Variants in TAFA1 observed in about 807,000 individuals in gnomAD.
TAFA1 encodes the protein chemokine-like protein TAFA-1.
In TAFA1, 4 loss-of-function variants were observed where a neutral mutation model predicts 18.5. The ratio of observed to expected loss-of-function variants is 0.22; its 90% CI spans 0.11 to 0.49. TAFA1 has a LOEUF of 0.49. Ranked by LOEUF, TAFA1 falls within the 20% of genes least tolerant of loss-of-function variation. The probability of loss-of-function intolerance (pLI) is 0.98; values close to 1 mark genes in which losing one functional copy is unlikely to be tolerated. For synonymous variants in TAFA1, 56 were observed against 55.2 expected, an observed-to-expected ratio of 1.01 and a Z score of -0.06; for missense variants, 147 against 169.0, an observed-to-expected ratio of 0.87 and a Z score of 0.72.
chr3:68,538,913 G>A (rs1415596596), intron 4 of TAFA1, 33 bp downstream of exon 4: 2 of 1,609,350 alleles, frequency 1.2e-6, no homozygotes, highest in Admixed American at 3.4e-5. Flanking sequence ...TATTTTGGAT[G>A]TTACAGACTG....
At chr3:68,213,739 A>T (rs2066621905) in intron 2 of TAFA1, among the ~76,000 whole-genome samples, 1 of 152,102 alleles carries the variant, frequency 6.6e-6, no homozygotes, top group African/African-American at 2.4e-5. Context: ...AATGACCTCC[A>T]GTTTAGTAAT....
chr3:68,263,667 G>A (rs2067482974), intron 2 of TAFA1, among the ~76,000 whole-genome samples: 1 of 151,962 alleles, frequency 6.6e-6, no homozygotes, highest in East Asian at 2.0e-4. Context: ...GCGGGGGGCG[G>A]TCAGGACTCA....
intron 2 of TAFA1, among the ~76,000 whole-genome samples, chr3:68,052,079 CT>C (rs1170157062): frequency 5.3e-5 from 8 of 151,976 alleles, no homozygotes; most frequent in African/African-American, 1.9e-4. Flanking sequence ...TTATTTACAC[CT>C]GTTTGACTCT....
intron 2 of TAFA1, among the ~76,000 whole-genome samples, chr3:68,373,638 A>G (rs2069755299): frequency 6.6e-6 from 1 of 152,206 alleles, no homozygotes; most frequent in African/African-American, 2.4e-5. Flanking sequence ...TTCACACAGC[A>G]GACACCAGCA....
At chr3:68,254,855 C>G (rs924056886) in intron 2 of TAFA1, among the ~76,000 whole-genome samples, 2 of 152,062 alleles carry the variant, frequency 1.3e-5, no homozygotes, top group African/African-American at 4.8e-5. Context: ...CTAAATTAAT[C>G]CTGCCAGCAG....
intron 3 of TAFA1, among the ~76,000 whole-genome samples, chr3:68,430,643 T>A (rs17047716): frequency 6.6e-6 from 1 of 151,894 alleles, no homozygotes; most frequent in Admixed American, 6.6e-5. Flanking sequence ...TTTCAAAACC[T>A]CTATACTAAC....
chr3:68,261,528 A>G (rs905775386), intron 2 of TAFA1, among the ~76,000 whole-genome samples: 5 of 152,214 alleles, frequency 3.3e-5, no homozygotes, highest in African/African-American at 9.6e-5. Context: ...ATGTCCAACA[A>G]CAATAGACTG....
At chr3:68,479,897 A>AC (rs2072197804) in intron 3 of TAFA1, among the ~76,000 whole-genome samples, 2 of 150,548 alleles carry the variant, frequency 1.3e-5, no homozygotes, top group African/African-American at 2.4e-5. Flanking sequence ...CACACACACA[A>AC]ACACACACAT....
upstream of TAFA1, among the ~76,000 whole-genome samples, chr3:68,001,089 G>A (rs1021745032): frequency 7.2e-5 from 11 of 152,204 alleles, no homozygotes; most frequent in African/African-American, 2.4e-4. Flanking sequence ...GCAAAAAAAA[G>A]AGACTACTTT....
At chr3:68,024,907 A>C (rs1283224232) in intron 2 of TAFA1, among the ~76,000 whole-genome samples, 1 of 152,006 alleles carries the variant, frequency 6.6e-6, no homozygotes, top group East Asian at 1.9e-4. Context: ...GCAACCATGA[A>C]GACTGTGCTT....
intron 2 of TAFA1, among the ~76,000 whole-genome samples, chr3:68,351,460 G>T (rs568634897): frequency 1.3e-5 from 2 of 152,112 alleles, no homozygotes; most frequent in Admixed American, 6.6e-5. Context: ...CCATAGGTTT[G>T]TAGTTAAAAT....
chr3:68,504,624 T>C (rs1511904), intron 3 of TAFA1, among the ~76,000 whole-genome samples: 30,887 of 152,104 alleles, frequency 0.2, 3,238 homozygotes, highest in Middle Eastern at 0.24. Context: ...AGCCCCTTAA[T>C]ACAGAAAAGG....
chr3:68,317,409 A>G (rs1283903683), intron 2 of TAFA1, among the ~76,000 whole-genome samples: 1 of 152,208 alleles, frequency 6.6e-6, no homozygotes, highest in Admixed American at 6.5e-5. Flanking sequence ...TCTAAGGCTA[A>G]AGAACCAACT....
intron 2 of TAFA1, among the ~76,000 whole-genome samples, chr3:68,205,994 A>T (rs2066522138): frequency 6.6e-6 from 1 of 151,900 alleles, no homozygotes; most frequent in Non-Finnish European, 1.5e-5. Flanking sequence ...CCGATTAAAG[A>T]TATAACCTAA....
chr3:68,090,039 T>G (rs1349783503), intron 2 of TAFA1, among the ~76,000 whole-genome samples: 1 of 152,158 alleles, frequency 6.6e-6, no homozygotes, highest in Non-Finnish European at 1.5e-5. Context: ...GCTTGAGCCC[T>G]TCTACTCACT....
At chr3:68,186,558 G>C (rs1293446669) in intron 2 of TAFA1, among the ~76,000 whole-genome samples, 1 of 151,874 alleles carries the variant, frequency 6.6e-6, no homozygotes, top group African/African-American at 2.4e-5. Flanking sequence ...TCTTGTACTG[G>C]GACAGACACG....
At chr3:68,474,375 T>C (rs1050010137) in intron 3 of TAFA1, among the ~76,000 whole-genome samples, 3 of 152,208 alleles carry the variant, frequency 2.0e-5, no homozygotes, top group Non-Finnish European at 4.4e-5. Context: ...TCTGAAGCTT[T>C]GCCTGGAGGC....
chr3:68,141,067 T>G (rs2065662303), intron 2 of TAFA1, among the ~76,000 whole-genome samples: 1 of 152,198 alleles, frequency 6.6e-6, no homozygotes, highest in African/African-American at 2.4e-5. Flanking sequence ...GTTGTCAGAC[T>G]GAATTTATAC....
intron 2 of TAFA1, among the ~76,000 whole-genome samples, chr3:68,158,378 G>A (rs930673179): frequency 6.6e-6 from 1 of 152,076 alleles, no homozygotes; most frequent in South Asian, 2.1e-4. Flanking sequence ...GGCATTGCAG[G>A]TAGGGGCTGG....
Sources: gnomAD v4.1 joint callset for allele counts (sites outside exome capture counted in the v4.1 genomes callset) on GRCh38, gnomAD v4.1.1 for gene constraint, MANE v1.5 for transcripts, NCBI Gene and HGNC (gene_info 2026-07-23, HGNC 2026-07-21) for gene names.